Variants in RORA observed in about 807,000 individuals in gnomAD.
The protein encoded by RORA is nuclear receptor ROR-alpha.
Under a neutral mutation model 69.5 loss-of-function variants are expected in RORA, and 7 were observed. The observed-to-expected ratio is 0.10, with a 90% CI of 0.06 to 0.19. The LOEUF (loss-of-function observed/expected upper bound fraction) is 0.19, where lower values mean the gene tolerates loss of function less well. Among genes scored for constraint, RORA ranks in the 10% least tolerant of loss-of-function variants. RORA has a pLI of 1.00. For synonymous variants in RORA, 261 were observed against 240.8 expected, an observed-to-expected ratio of 1.08 and a Z score of -0.78; for missense variants, 457 against 663.0, an observed-to-expected ratio of 0.69 and a Z score of 3.41.
chr15:60,565,378 A>T (rs2067686585), intron 2 of RORA, among the ~76,000 whole-genome samples: 1 of 152,236 alleles, frequency 6.6e-6, no homozygotes, highest in Non-Finnish European at 1.5e-5. Flanking sequence ...TGTGCACATT[A>T]TATGTAATCT....
chr15:61,197,608 C>T (rs1182823415), intron 1 of RORA, among the ~76,000 whole-genome samples: 1 of 152,166 alleles, frequency 6.6e-6, no homozygotes, highest in African/African-American at 2.4e-5. Context: ...TCATTCTAAA[C>T]CGGGCTCCGT....
At chr15:60,505,479 C>G (rs1455808078) in intron 6 of RORA, 29 bp downstream of exon 6, 2 of 1,612,198 alleles carry the variant, frequency 1.2e-6, no homozygotes, top group Non-Finnish European at 8.5e-7. Flanking sequence ...TTGCCTCAAT[C>G]CTAGGAGGAA....
At position 60,537,430 on chromosome 15, in the gene RORA, T is replaced by A. The variant is rs1392513147; in HGVS notation, c.197-5579A>T. Among the ~76,000 whole-genome samples the A allele has an allele frequency of 2.0e-5, 3 of 151,198 alleles. No individual in the cohort carries two copies. Among genetic ancestry groups the A allele is most frequent in the Admixed American group, 2.0e-4 (3 of 15,272 alleles). On this transcript the variant is annotated intron_variant, in intron 2 of 10. Coordinates refer to ENST00000335670, the MANE Select transcript of RORA (RefSeq NM_134261.3). This position sits in a 1 kb window ranked among gnomAD's most constrained non-coding sequence, Gnocchi z 4.9. Reference sequence around the variant, plus strand: ...AAGCTCCCTTTTTTCAAACCCTCCTTCCAGGGGTAGTGCCCCTTCTCTACA... The same window carrying A: ...AAGCTCCCTTTTTTCAAACCCTCCTACCAGGGGTAGTGCCCCTTCTCTACA...
rs866926817 is a variant in RORA at position 60,811,885 on chromosome 15, C to T, written c.167-133199G>A. Among the ~76,000 whole-genome samples the T allele has an allele frequency of 2.6e-5, 4 of 152,298 alleles. No homozygotes were observed. In the South Asian group the frequency reaches 8.3e-4, roughly 32 times the overall value. ...ATTTCATTTACTGTCTCTTGGGTGGCTAACAACTTTCCATCTCAGGTTATT... is the reference window on the plus strand; with the variant it reads ...ATTTCATTTACTGTCTCTTGGGTGGTTAACAACTTTCCATCTCAGGTTATT... On this transcript the variant is annotated intron_variant, in intron 1 of 10. Coordinates refer to ENST00000335670, the MANE Select transcript of RORA (RefSeq NM_134261.3).
At chr15:60,728,995 T>C (rs113741061) in intron 1 of RORA, among the ~76,000 whole-genome samples, 90 of 152,366 alleles carry the variant, frequency 5.9e-4, no homozygotes, top group African/African-American at 2.0e-3. Flanking sequence ...CGTTGTTATA[T>C]CCATAGGCGG....
intron 2 of RORA, among the ~76,000 whole-genome samples, chr15:60,623,649 A>G (rs1421277764): frequency 6.6e-6 from 1 of 152,114 alleles, no homozygotes; most frequent in Admixed American, 6.5e-5. Flanking sequence ...CCATAACATT[A>G]TGTTGCTGTG....
At chr15:60,757,936 C>T (rs200944624) in intron 1 of RORA, among the ~76,000 whole-genome samples, 17 of 152,276 alleles carry the variant, frequency 1.1e-4, no homozygotes, top group East Asian at 7.7e-4. Context: ...ACACAGAGCA[C>T]GGTACAGCCC....
intron 1 of RORA, among the ~76,000 whole-genome samples, chr15:60,849,966 G>T (rs140984977): frequency 6.6e-6 from 1 of 152,274 alleles, no homozygotes; most frequent in Non-Finnish European, 1.5e-5. Flanking sequence ...ACAGAAATGA[G>T]CAACTAATGA....
intron 2 of RORA, among the ~76,000 whole-genome samples, chr15:60,656,692 A>G (rs1166785460): frequency 6.6e-6 from 1 of 152,166 alleles, no homozygotes; most frequent in Non-Finnish European, 1.5e-5. Context: ...AGACCACACA[A>G]TGCACACTGG....
chr15:61,081,124 G>C (rs1202704597), intron 1 of RORA, among the ~76,000 whole-genome samples: 1 of 152,138 alleles, frequency 6.6e-6, no homozygotes, highest in African/African-American at 2.4e-5. Flanking sequence ...GCCATGGAGA[G>C]CCTCACATCT....
chr15:61,149,858 C>G (rs1299122000), intron 1 of RORA, among the ~76,000 whole-genome samples: 2 of 152,198 alleles, frequency 1.3e-5, no homozygotes, highest in African/African-American at 2.4e-5. Flanking sequence ...TGACTTCAGA[C>G]AGTTTTCCAT....
At chr15:60,713,603 A>G (rs911486547) in intron 1 of RORA, among the ~76,000 whole-genome samples, 2 of 152,148 alleles carry the variant, frequency 1.3e-5, no homozygotes, top group Non-Finnish European at 2.9e-5. Context: ...AGTCATATTC[A>G]GCCCTTAGGA....
intron 1 of RORA, among the ~76,000 whole-genome samples, chr15:61,015,392 A>G (rs1895243989): frequency 6.6e-6 from 1 of 152,222 alleles, no homozygotes; most frequent in Admixed American, 6.5e-5. Context: ...ATCATTTAAA[A>G]TATACTGACA....
intron 1 of RORA, among the ~76,000 whole-genome samples, chr15:60,775,359 T>A (rs2072150008): frequency 6.6e-6 from 1 of 152,180 alleles, no homozygotes; most frequent in Non-Finnish European, 1.5e-5. Context: ...AAAAAACCCC[T>A]GATTTTCCTA....
At chr15:60,773,721 G>T (rs991504083) in intron 1 of RORA, among the ~76,000 whole-genome samples, 8 of 152,064 alleles carry the variant, frequency 5.3e-5, no homozygotes, top group African/African-American at 1.9e-4. Context: ...AAGAACTCAG[G>T]GGCAACTTCT....
chr15:61,053,077 G>C (rs1368791933), intron 1 of RORA, among the ~76,000 whole-genome samples: 4 of 152,066 alleles, frequency 2.6e-5, no homozygotes, highest in Admixed American at 2.6e-4. Context: ...TCCTGCTTTT[G>C]TCCCTGTAAC....
chr15:60,695,701 A>G (rs1484834234), intron 1 of RORA, among the ~76,000 whole-genome samples: 2 of 152,034 alleles, frequency 1.3e-5, no homozygotes, highest in Admixed American at 6.5e-5. Context: ...CCAGCGCAAC[A>G]TTCTCATTTT....
chr15:61,106,784 G>C (rs976088558), intron 1 of RORA, among the ~76,000 whole-genome samples: 1 of 152,094 alleles, frequency 6.6e-6, no homozygotes, highest in African/African-American at 2.4e-5. Context: ...GGAGGCCAAG[G>C]GCCCTTGAAT....
At chr15:60,970,486 T>C (rs12910086) in intron 1 of RORA, among the ~76,000 whole-genome samples, 150,370 of 152,260 alleles carry the variant, frequency 0.99, 74,282 homozygotes, top group Middle Eastern at 1. Flanking sequence ...CAAGACCTCG[T>C]TTCAAGTCCA....
Sources: allele counts gnomAD v4.1 joint callset (sites outside exome capture counted in the v4.1 genomes callset), GRCh38; gene constraint gnomAD v4.1.1; non-coding constraint Gnocchi (gnomAD v3.1); transcripts MANE v1.5; gene names NCBI Gene and HGNC (gene_info 2026-07-23, HGNC 2026-07-21).